The following TPRA1 variants were observed in gnomAD, a reference collection of about 807,000 sequenced individuals.
TPRA1 encodes the protein transmembrane protein adipocyte-associated 1.
TPRA1 carries 28 observed loss-of-function variants against 40.1 expected under a neutral mutation model. The observed-to-expected ratio is 0.70, with a 90% CI of 0.52 to 0.96. TPRA1 has a LOEUF of 0.96. Among genes scored for constraint, TPRA1 ranks in the 40% least tolerant of loss-of-function variants. TPRA1 has a pLI of 0.00. For synonymous variants in TPRA1, 219 were observed against 209.7 expected, an observed-to-expected ratio of 1.04 and a Z score of -0.38; for missense variants, 441 against 482.6, an observed-to-expected ratio of 0.91 and a Z score of 0.81.
At chr3:127,598,082 A>C in exon 1 of TPRA1, 2 of 336,140 alleles carry the variant, frequency 5.9e-6, no homozygotes, top group Middle Eastern at 1.0e-3. Context: ...CTGGGATTAC[A>C]GGCGTGAGCC....
chr3:127,583,494 C>A (rs2073898345), intron 1 of TPRA1, among the ~76,000 whole-genome samples: 1 of 151,738 alleles, frequency 6.6e-6, no homozygotes, highest in South Asian at 2.1e-4. Context: ...TGGGACCTTG[C>A]CTCAAAAAAG....
At chr3:127,596,746 C>T (rs978264543) in intron 1 of TPRA1, among the ~76,000 whole-genome samples, 2 of 152,220 alleles carry the variant, frequency 1.3e-5, no homozygotes, top group Admixed American at 1.3e-4. Flanking sequence ...TCTCAGCTAT[C>T]ATCCACCTAG....
chr3:127,592,891 G>A (rs1054778472), upstream of TPRA1, among the ~76,000 whole-genome samples: 1 of 152,216 alleles, frequency 6.6e-6, no homozygotes, highest in Admixed American at 6.5e-5. Flanking sequence ...GTGTCTTCCA[G>A]CCAGCTCTTG....
chr3:127,575,727 G>T, intron 8 of TPRA1, 22 bp downstream of exon 8: 1 of 1,612,902 alleles, frequency 6.2e-7, no homozygotes, highest in Non-Finnish European at 8.5e-7. Context: ...GCCTGTCCCA[G>T]AGCCGCCGGC....
chr3:127,581,594 G>T (rs933461762), intron 1 of TPRA1, among the ~76,000 whole-genome samples: 4 of 152,082 alleles, frequency 2.6e-5, no homozygotes, highest in African/African-American at 9.7e-5. Context: ...TAAGTCATAG[G>T]TGTACTTCAG....
At chr3:127,596,784 C>A (rs1161714299) in intron 1 of TPRA1, among the ~76,000 whole-genome samples, 1 of 152,188 alleles carries the variant, frequency 6.6e-6, no homozygotes, top group Non-Finnish European at 1.5e-5. Context: ...TGTCATCCTG[C>A]ATGCCTCTTT....
intron 3 of TPRA1, among the ~76,000 whole-genome samples, chr3:127,578,457 G>A (rs1307912945): frequency 6.6e-6 from 1 of 152,132 alleles, no homozygotes; most frequent in Non-Finnish European, 1.5e-5. Flanking sequence ...AACTCTTTAG[G>A]ACAAAGTCCC....
At chr3:127,584,482 A>C (rs1345669833) in intron 1 of TPRA1, among the ~76,000 whole-genome samples, 3 of 147,078 alleles carry the variant, frequency 2.0e-5, no homozygotes, top group Non-Finnish European at 3.0e-5. Context: ...AAAAAAAAAG[A>C]AGCAAACTTC....
chr3:127,573,293 A>C lies in TPRA1; in HGVS notation c.*228T>G. The C allele has an allele frequency of 1.9e-6, 1 of 524,408 alleles. No homozygotes were observed. The highest frequency in any genetic ancestry group is 3.5e-5 in the South Asian group (1 of 28,594). The allele number at this position is 524,408 out of a possible 1,614,324, so 32.5% of individuals were successfully genotyped here. On this transcript the variant is annotated 3_prime_UTR_variant, in exon 11 of 11. Coordinates refer to ENST00000355552, the MANE Select transcript of TPRA1 (RefSeq NM_001136053.4). The stretch of plus-strand genomic sequence containing the variant: ...AAGGAAAGCCTGGGCCATGTCACTG[A>C]GCAGTATGAGAGCAGGTGGGAAGGG...
rs1376592091 is a variant in TPRA1, at chr3:127,571,851, T to C, written c.*1670A>G. On this transcript the variant is annotated 3_prime_UTR_variant, in exon 11 of 11. Coordinates refer to ENST00000355552, the MANE Select transcript of TPRA1 (RefSeq NM_001136053.4). The stretch of plus-strand genomic sequence containing the variant: ...AAAACAAACTTAAAAATTATAAAAA[T>C]GGTCTCTTTTCTTCTGTTGATGCCT... 2.0e-5 allele frequency: 3 copies of C among 151,344 alleles called. No individual in the cohort carries two copies. Among genetic ancestry groups the C allele is most frequent in the African/African-American group, 7.2e-5 (3 of 41,508 alleles). 9.4% of individuals were successfully genotyped at this position (151,344 alleles called of 1,614,324 possible). A position where few individuals can be genotyped will look rare whatever the true frequency, so the allele number is the denominator to read the frequency against.
rs565835971 is a variant in TPRA1, at chr3:127,585,239, G to A, written c.-17-5076C>T. 5.3e-5 allele frequency among the ~76,000 whole-genome samples: 8 copies of A among 152,334 alleles called. No individual in the cohort carries two copies. The East Asian group carries it at 1.3e-3, about 26-fold the overall frequency. On this transcript the variant is annotated intron_variant, in intron 1 of 10. Transcript: ENST00000355552. ...CCAGCCTTGGAAAGATCGAGATAAA[G>A]AACATTCCAGGGAGAATCACCTAAG...
At chr3:127,575,903 G>T in intron 7 of TPRA1, 37 bp downstream of exon 7, 1 of 1,611,670 alleles carries the variant, frequency 6.2e-7, no homozygotes, top group Non-Finnish European at 8.5e-7. Flanking sequence ...TGGCCCTAAG[G>T]CCCCAGCCAC....
chr3:127,582,146 A>G (rs2073853014), intron 1 of TPRA1, among the ~76,000 whole-genome samples: 1 of 152,172 alleles, frequency 6.6e-6, no homozygotes, highest in Non-Finnish European at 1.5e-5. Context: ...TGCTGGTCCA[A>G]GCCCTTAAAC....
chr3:127,575,047 C>A (rs2073540904), intron 10 of TPRA1, 138 bp downstream of exon 10: 1 of 893,244 alleles, frequency 1.1e-6, no homozygotes, highest in Non-Finnish European at 1.7e-6. Context: ...TGTGTGTGCC[C>A]AAGTGCATGT....
chr3:127,575,722 T>C, intron 8 of TPRA1, 27 bp downstream of exon 8: 1 of 1,612,296 alleles, frequency 6.2e-7, no homozygotes, highest in Non-Finnish European at 8.5e-7. Context: ...TCCCCGCCTG[T>C]CCCAGAGCCG....
At chr3:127,588,622 T>C (rs1479778750) in intron 1 of TPRA1, among the ~76,000 whole-genome samples, 2 of 152,104 alleles carry the variant, frequency 1.3e-5, no homozygotes, top group Non-Finnish European at 2.9e-5. Context: ...GGTTTCACCA[T>C]GTTGGCCAAG....
chr3:127,592,401 C>T (rs2074193147), upstream of TPRA1, among the ~76,000 whole-genome samples: 1 of 101,006 alleles, frequency 9.9e-6, no homozygotes, highest in African/African-American at 3.9e-5. Flanking sequence ...TTTTTTGAGA[C>T]GGAGTCTCGC....
At position 127,579,780 on chromosome 3, in the gene TPRA1, C is replaced by G. The variant is rs376730796; in HGVS notation, c.218G>C (p.Arg73Pro). ...WKLPSARAKI[R>P]ITSSPIFITF... The stretch of plus-strand genomic sequence containing the variant: ...GATAAAAATGGGGCTGGAGGTGATG[C>G]GGATCTTCGCCCGAGCAGATGGAAG... Residue 73 changes from arginine (R) to proline (P), a missense_variant, in exon 3 of 11, where the codon CGC becomes CCC. Arg to Pro is a moderately radical substitution (Grantham distance 103, BLOSUM62 -2). Transcript: ENST00000355552. 2.5e-6 allele frequency: 4 copies of G among 1,613,974 alleles called. No homozygotes were observed. In the African/African-American group the frequency reaches 4.0e-5, roughly 16 times the overall value.
At chr3:127,577,195 G>C in intron 3 of TPRA1, 119 bp from the exon 4 acceptor site, 1 of 1,027,472 alleles carries the variant, frequency 9.7e-7, no homozygotes, top group Admixed American at 2.0e-5. Context: ...AAAGGAGGAA[G>C]GCGCAAAGTC....
Sources: gnomAD v4.1 joint callset for allele counts (sites outside exome capture counted in the v4.1 genomes callset) on GRCh38, gnomAD v4.1.1 for gene constraint, MANE v1.5 for transcripts, NCBI Gene and HGNC (gene_info 2026-07-23, HGNC 2026-07-21) for gene names.